The following LUZP2 variants were observed in gnomAD, a reference collection of about 807,000 sequenced individuals.
The protein encoded by LUZP2 is leucine zipper protein 2.
Under a neutral mutation model 51.6 loss-of-function variants are expected in LUZP2, and 52 were observed. The observed-to-expected ratio is 1.01, with a 90% CI of 0.81 to 1.27. LUZP2 has a LOEUF of 1.27. Among genes scored for constraint, LUZP2 ranks in the 50% most tolerant of loss-of-function variants. The pLI is 0.00. For missense variants in LUZP2, 436 were observed against 395.4 expected, an observed-to-expected ratio of 1.10 and a Z score of -0.87; for synonymous variants, 154 against 137.3, an observed-to-expected ratio of 1.12 and a Z score of -0.85.
chr11:24,650,747 A>G (rs1855601221), intron 1 of LUZP2, among the ~76,000 whole-genome samples: 1 of 152,008 alleles, frequency 6.6e-6, no homozygotes, highest in East Asian at 1.9e-4. Context: ...ATAACCTGAT[A>G]TTTTTGACTC....
intron 1 of LUZP2, among the ~76,000 whole-genome samples, chr11:24,497,775 G>A (rs971219930): frequency 6.6e-6 from 1 of 152,200 alleles, no homozygotes; most frequent in African/African-American, 2.4e-5. Context: ...CCTGGAAGAT[G>A]CTAAGACTTG....
At chr11:24,601,294 G>A (rs941097803) in intron 1 of LUZP2, among the ~76,000 whole-genome samples, 1 of 151,896 alleles carries the variant, frequency 6.6e-6, no homozygotes, top group African/African-American at 2.4e-5. Context: ...TATATTTTGA[G>A]GCCCTATACA....
chr11:24,837,124 C>T (rs915091098), intron 5 of LUZP2, among the ~76,000 whole-genome samples: 1 of 151,706 alleles, frequency 6.6e-6, no homozygotes, highest in African/African-American at 2.4e-5. Context: ...CCCCCTTTCC[C>T]CAGTTCTCTG....
chr11:24,947,903 C>T (rs1854944753), intron 7 of LUZP2, among the ~76,000 whole-genome samples: 1 of 151,874 alleles, frequency 6.6e-6, no homozygotes, highest in Admixed American at 6.6e-5. Context: ...TAATGATTGC[C>T]TTTCAACACT....
In LUZP2 at chr11:24,914,490, A is replaced by G. The variant is rs1853735662; in HGVS notation, c.474A>G (p.Gln158=). Residue 158 remains glutamine (Q), a synonymous_variant, in exon 7 of 12, where the codon CAA becomes CAG. Transcript: ENST00000336930. The part of the protein sequence containing the change: ...GIHAEESKKI[Q]AQLKELRYGK... Reference sequence around the variant, plus strand: ...TTGCCTTACAGTCAAAAAAAATCCAAGCCCAGCTGAAGGAGCTTCGTTATG... The same window carrying G: ...TTGCCTTACAGTCAAAAAAAATCCAGGCCCAGCTGAAGGAGCTTCGTTATG... 2.5e-6 allele frequency: 4 copies of G among 1,609,580 alleles called. No homozygotes were observed. The highest frequency in any genetic ancestry group is 2.2e-5 in the South Asian group (2 of 89,974).
chr11:24,860,279 C>T (rs7130921), intron 5 of LUZP2, among the ~76,000 whole-genome samples: 7 of 151,982 alleles, frequency 4.6e-5, no homozygotes, highest in African/African-American at 1.4e-4. Context: ...AGAGGCTCAG[C>T]GACAGAATCT....
intron 4 of LUZP2, among the ~76,000 whole-genome samples, chr11:24,752,530 T>G (rs1278792771): frequency 6.6e-6 from 1 of 152,178 alleles, no homozygotes; most frequent in African/African-American, 2.4e-5. Flanking sequence ...GCCAATTTAG[T>G]TTTTCCTTTA....
chr11:24,925,161 G>A (rs187424655), intron 7 of LUZP2, among the ~76,000 whole-genome samples: 13 of 152,126 alleles, frequency 8.5e-5, no homozygotes, highest in African/African-American at 2.9e-4. Context: ...TTATCATGTT[G>A]GTATCTCTTA....
intron 9 of LUZP2, among the ~76,000 whole-genome samples, chr11:25,018,642 C>G (rs1320403757): frequency 1.4e-5 from 2 of 139,410 alleles, no homozygotes; most frequent in East Asian, 2.3e-4. Context: ...CACTCTCACT[C>G]TGTTGCCCAG....
intron 5 of LUZP2, among the ~76,000 whole-genome samples, chr11:24,823,800 A>C (rs948723327): frequency 6.6e-6 from 1 of 152,204 alleles, no homozygotes; most frequent in Admixed American, 6.5e-5. Context: ...ATGGTGGTTC[A>C]CACCTGTAAT....
chr11:24,506,954 A>G (rs1012788040), intron 1 of LUZP2, among the ~76,000 whole-genome samples: 4 of 152,126 alleles, frequency 2.6e-5, no homozygotes, highest in African/African-American at 9.6e-5. Flanking sequence ...AAGCTAAACC[A>G]TACTGGCAAA....
At position 24,516,777 on chromosome 11, in the gene LUZP2, T is replaced by C. The variant is rs554585268; in HGVS notation, c.62+19472T>C. Among the ~76,000 whole-genome samples, 36 of 151,768 alleles carry C rather than the reference T, an allele frequency of 2.4e-4. 1 individual carries two copies. The East Asian group carries it at 6.2e-3, about 26-fold the overall frequency. On this transcript the variant is annotated intron_variant, in intron 1 of 11. Transcript: ENST00000336930. ...GTAGGTAAGGAAGAAGGCAAATCTA[T>C]AATTAGAGAAACAAAAATTACAGTT...
intron 9 of LUZP2, among the ~76,000 whole-genome samples, chr11:24,990,872 C>T (rs1362004879): frequency 6.6e-6 from 1 of 151,854 alleles, no homozygotes. Context: ...GAACTTCTAC[C>T]CCCCTTTCAT....
At position 24,963,745 on chromosome 11, in the gene LUZP2, C is replaced by T. The variant is rs546026696; in HGVS notation, c.523-12846C>T. On this transcript the variant is annotated intron_variant, in intron 7 of 11. Coordinates refer to ENST00000336930, the MANE Select transcript of LUZP2 (RefSeq NM_001009909.4). The stretch of plus-strand genomic sequence containing the variant: ...AGTGAGGCAATGCCTCACCCTGCTT[C>T]GGCTCGTGCACGGTGCGCTGCATCC... 1.6e-3 allele frequency among the ~76,000 whole-genome samples: 238 copies of T among 152,248 alleles called. 1 individual carries two copies. Among genetic ancestry groups the T allele is most frequent in the African/African-American group, 5.1e-3 (213 of 41,566 alleles).
chr11:24,527,311 A>C (rs923131406), intron 1 of LUZP2, among the ~76,000 whole-genome samples: 14 of 151,334 alleles, frequency 9.3e-5, no homozygotes, highest in African/African-American at 3.4e-4. Flanking sequence ...AAATATACAG[A>C]TTGTAATGAA....
intron 9 of LUZP2, among the ~76,000 whole-genome samples, chr11:25,044,235 A>G (rs1212567273): frequency 1.3e-4 from 14 of 107,060 alleles, no homozygotes; most frequent in East Asian, 4.4e-4. Flanking sequence ...GTGTATGTGT[A>G]TGTGTGTGTG....
At chr11:24,546,999 G>C (rs1851570813) in intron 1 of LUZP2, among the ~76,000 whole-genome samples, 1 of 150,418 alleles carries the variant, frequency 6.6e-6, no homozygotes, top group Non-Finnish European at 1.5e-5. Context: ...GGTGGTGGTT[G>C]GTAGGCTATT....
At chr11:24,830,386 CCAT>C (rs1425529240) in intron 5 of LUZP2, among the ~76,000 whole-genome samples, 6 of 106,616 alleles carry the variant, frequency 5.6e-5, no homozygotes, top group Admixed American at 2.8e-4. Flanking sequence ...ATCGTATTGT[CCAT>C]ATGTTGTAAT....
chr11:24,527,595 ACAC>A (rs1448699367), intron 1 of LUZP2, among the ~76,000 whole-genome samples: 1 of 143,488 alleles, frequency 7.0e-6, no homozygotes, highest in African/African-American at 2.8e-5. Flanking sequence ...ACACACACAC[ACAC>A]ATTTATTTGT....
Sources: allele counts gnomAD v4.1 joint callset (sites outside exome capture counted in the v4.1 genomes callset), GRCh38; gene constraint gnomAD v4.1.1; transcripts MANE v1.5; gene names NCBI Gene and HGNC (gene_info 2026-07-23, HGNC 2026-07-21).